Variants in RTN4 observed in about 807,000 individuals in gnomAD.
RTN4 encodes reticulon-4.
Under a neutral mutation model 90.4 loss-of-function variants are expected in RTN4, and 32 were observed. The observed-to-expected ratio is 0.35, with a 90% CI of 0.27 to 0.48. The LOEUF is 0.48. Among genes scored for constraint, RTN4 ranks in the 20% least tolerant of loss-of-function variants. The probability of loss-of-function intolerance (pLI) is 0.99; values close to 1 mark genes in which losing one functional copy is unlikely to be tolerated. For synonymous variants in RTN4, 629 were observed against 552.5 expected (o/e 1.14, Z -1.94); for missense variants, 1,706 against 1,430.2 (o/e 1.19, Z -3.11).
upstream of RTN4, among the ~76,000 whole-genome samples, chr2:55,051,908 G>T (rs113121261): frequency 7.6e-4 from 115 of 150,666 alleles, no homozygotes; most frequent in Non-Finnish European, 1.5e-3. Context: ...ATACATAATG[G>T]CTCACATTAT....
chr2:54,995,768 T>C (rs576404840), intron 3 of RTN4, among the ~76,000 whole-genome samples: 1 of 152,116 alleles, frequency 6.6e-6, no homozygotes, highest in Non-Finnish European at 1.5e-5. Flanking sequence ...GTGAACCTAA[T>C]GTGTACATCT....
chr2:55,014,371 T>A (rs1680874069), intron 3 of RTN4: 2 of 152,164 alleles, frequency 1.3e-5, no homozygotes, highest in South Asian at 4.1e-4. Flanking sequence ...ATCTAAAACA[T>A]ACAAATATTC....
intron 1 of RTN4, among the ~76,000 whole-genome samples, chr2:55,105,257 T>A (rs1357078592): frequency 7.3e-6 from 1 of 137,376 alleles, no homozygotes; most frequent in East Asian, 2.1e-4. Flanking sequence ...TGAGACAGAG[T>A]CTCACTCTGT....
rs192905493 is a variant in RTN4 at position 54,987,967 on chromosome 2, G to A, written c.3014-269C>T. Among the ~76,000 whole-genome samples the A allele has an allele frequency of 4.7e-3, 721 of 152,246 alleles. 8 individuals are homozygous for A. Among genetic ancestry groups the A allele is most frequent in the Non-Finnish European group, 7.8e-3 (533 of 68,000 alleles). On this transcript the variant is annotated intron_variant, in intron 3 of 8. Coordinates refer to ENST00000337526, the MANE Select transcript of RTN4 (RefSeq NM_020532.5). ...CCAAATCATTCTAGCCATACACAAT[G>A]ATTAAATGTCTCCAAAGCCTAGAAG...
chr2:55,128,116 G>T, the RTN4 span, among the ~76,000 whole-genome samples: 4 of 152,050 alleles, frequency 2.6e-5, no homozygotes, highest in East Asian at 7.7e-4. Flanking sequence ...AAAGTGCTGG[G>T]ATTATAGGCA....
chr2:55,105,534 T>G (rs1029200503), intron 1 of RTN4, among the ~76,000 whole-genome samples: 1 of 152,100 alleles, frequency 6.6e-6, no homozygotes, highest in African/African-American at 2.4e-5. Flanking sequence ...TGGCTGAGAT[T>G]GTTTTTCTAA....
In RTN4 at chr2:55,027,419, A is replaced by G; in HGVS notation, c.680T>C (p.Val227Ala). Residue 227 changes from valine to alanine, a missense_variant, in exon 3 of 9, where the codon GTC (valine) becomes GCC (alanine). Val to Ala is a moderately conservative substitution (Grantham distance 64, BLOSUM62 0). Coordinates refer to ENST00000337526, the MANE Select transcript of RTN4 (RefSeq NM_020532.5). ...AAGAGAAGCAGCAGTTTCAAGCAGGACAGATGGGAAATCCTCTTGACCAGC... is the reference window on the plus strand; with the variant it reads ...AAGAGAAGCAGCAGTTTCAAGCAGGGCAGATGGGAAATCCTCTTGACCAGC... ...ISAGQEDFPS[V>A]LLETAASLPS... The G allele has an allele frequency of 1.2e-6, 2 of 1,613,612 alleles. No homozygotes were observed. Among genetic ancestry groups the G allele is most frequent in the Non-Finnish European group, 1.7e-6 (2 of 1,179,710 alleles).
chr2:54,992,461 A>C (rs1679087246), intron 3 of RTN4, among the ~76,000 whole-genome samples: 1 of 152,232 alleles, frequency 6.6e-6, no homozygotes, highest in Admixed American at 6.5e-5. Context: ...TTAACAAGAT[A>C]GTTTAATCAA....
chr2:55,135,627 G>T, the RTN4 span, among the ~76,000 whole-genome samples: 1 of 152,034 alleles, frequency 6.6e-6, no homozygotes, highest in Non-Finnish European at 1.5e-5. Flanking sequence ...GCACAACTTG[G>T]TAAGTTTTGA....
At chr2:55,069,346 A>G (rs1668447860) in intron 2 of RTN4, among the ~76,000 whole-genome samples, 1 of 152,148 alleles carries the variant, frequency 6.6e-6, no homozygotes. Context: ...ATAAAATCCA[A>G]AATTACCTGG....
intron 1 of RTN4, among the ~76,000 whole-genome samples, chr2:55,047,566 G>A (rs918969351): frequency 5.0e-5 from 2 of 40,140 alleles, no homozygotes; most frequent in African/African-American, 2.9e-4. Context: ...TTATGGAGAA[G>A]TGAATTGAGA....
chr2:55,108,165 G>T (rs111612696), intron 1 of RTN4, among the ~76,000 whole-genome samples: 1 of 152,076 alleles, frequency 6.6e-6, no homozygotes, highest in African/African-American at 2.4e-5. Context: ...ATGTTGGCCA[G>T]GCTGGTCTCG....
chr2:54,982,374 A>G, intron 5 of RTN4, 141 bp downstream of exon 5: 1 of 768,230 alleles, frequency 1.3e-6, no homozygotes, highest in South Asian at 2.2e-5. Flanking sequence ...TTGGATTCTG[A>G]ATTTTAAAAC....
chr2:55,097,547 CA>C (rs1667766576), intron 1 of RTN4, among the ~76,000 whole-genome samples: 1 of 152,104 alleles, frequency 6.6e-6, no homozygotes, highest in African/African-American at 2.4e-5. Flanking sequence ...AAGCTTGAAC[CA>C]AGGAGACAGC....
chr2:55,032,715 T>A (rs1480479073), intron 1 of RTN4, among the ~76,000 whole-genome samples: 1 of 152,002 alleles, frequency 6.6e-6, no homozygotes, highest in Non-Finnish European at 1.5e-5. Flanking sequence ...AAAATACCTA[T>A]AATTGCAGTC....
At chr2:55,044,932 T>C (rs891348456) in intron 1 of RTN4, among the ~76,000 whole-genome samples, 4 of 152,082 alleles carry the variant, frequency 2.6e-5, no homozygotes, top group Admixed American at 2.6e-4. Context: ...CCAGAAATTA[T>C]TCAGAATCAC....
At chr2:55,068,694 G>A (rs1188975156) in intron 2 of RTN4, among the ~76,000 whole-genome samples, 8 of 141,674 alleles carry the variant, frequency 5.6e-5, no homozygotes, top group Non-Finnish European at 1.1e-4. Flanking sequence ...GGGGGTGGGG[G>A]CTAGTTTGGC....
chr2:55,104,587 G>A (rs763618576), intron 1 of RTN4, among the ~76,000 whole-genome samples: 2 of 151,856 alleles, frequency 1.3e-5, no homozygotes, highest in Non-Finnish European at 2.9e-5. Context: ...ATGGCCTCAC[G>A]TGATCCACCT....
In RTN4 at chr2:55,025,162, T is replaced by C; in HGVS notation, c.2937A>G (p.Lys979=). ...KPKVLVKEAE[K]KLPSDTEKED... is the part of the protein sequence containing the mutation. ...CTTTTTCTGTATCGGAAGGAAGTTTTTTCTCAGCTTCTTTCACAAGAACTT... is the reference window on the plus strand; with the variant it reads ...CTTTTTCTGTATCGGAAGGAAGTTTCTTCTCAGCTTCTTTCACAAGAACTT... The change falls in exon 3 of 9, where the codon AAA becomes AAG. Residue 979 remains lysine, a synonymous_variant. Transcript: ENST00000337526. The C allele has an allele frequency of 6.2e-7, 1 of 1,613,760 alleles. No homozygotes were observed. Among genetic ancestry groups the C allele is most frequent in the Non-Finnish European group, 8.5e-7 (1 of 1,179,798 alleles).
Sources: gnomAD v4.1 joint callset for allele counts (sites outside exome capture counted in the v4.1 genomes callset) on GRCh38, gnomAD v4.1.1 for gene constraint, MANE v1.5 for transcripts, NCBI Gene and HGNC (gene_info 2026-07-23, HGNC 2026-07-21) for gene names.